CTNNA2: variants seen among roughly 807,000 people sequenced by gnomAD.
The protein encoded by CTNNA2 is catenin alpha-2.
A neutral mutation model predicts 101.0 loss-of-function variants in CTNNA2; 42 were observed. The ratio of observed to expected loss-of-function variants is 0.42; its 90% CI spans 0.32 to 0.54. The LOEUF (loss-of-function observed/expected upper bound fraction) is 0.54. Among genes scored for constraint, CTNNA2 ranks in the 20% least tolerant of loss-of-function variants. The probability of loss-of-function intolerance (pLI) is 0.14; values close to 1 mark genes in which losing one functional copy is unlikely to be tolerated. For missense variants in CTNNA2, 871 were observed against 1,223.1 expected, an observed-to-expected ratio of 0.71 and a Z score of 4.29; for synonymous variants, 450 against 456.4, an observed-to-expected ratio of 0.99 and a Z score of 0.18.
At chr2:79,186,806 C>T (rs1673783993) in intron 1 of CTNNA2, among the ~76,000 whole-genome samples, 3 of 152,194 alleles carry the variant, frequency 2.0e-5, no homozygotes, top group Non-Finnish European at 4.4e-5. Context: ...GACAAAACTT[C>T]ACCACTGTGT....
chr2:79,483,439 G>A (rs1056569228), intron 4 of CTNNA2, among the ~76,000 whole-genome samples: 1 of 152,244 alleles, frequency 6.6e-6, no homozygotes, highest in South Asian at 2.1e-4. Context: ...TGCAATCAAG[G>A]TATCAGCCAG....
At chr2:79,815,141 G>GT (rs990847227) in intron 3 of CTNNA2, among the ~76,000 whole-genome samples, 31 of 152,002 alleles carry the variant, frequency 2.0e-4, no homozygotes, top group African/African-American at 7.5e-4. Context: ...TTACTGAGTT[G>GT]TTTGAGTCTG....
At chr2:80,354,925 G>A (rs1673637260) in intron 7 of CTNNA2, among the ~76,000 whole-genome samples, 1 of 152,138 alleles carries the variant, frequency 6.6e-6, no homozygotes, top group Non-Finnish European at 1.5e-5. Context: ...ACAGAGAAGT[G>A]TGGGTGTTTC....
chr2:80,200,209 T>C (rs1017394937), intron 7 of CTNNA2, among the ~76,000 whole-genome samples: 1 of 152,232 alleles, frequency 6.6e-6, no homozygotes, highest in Admixed American at 6.5e-5. Flanking sequence ...TGCCAGACAA[T>C]GTATCATATG....
At chr2:79,189,589 G>T (rs1177763909) in intron 1 of CTNNA2, among the ~76,000 whole-genome samples, 2 of 152,174 alleles carry the variant, frequency 1.3e-5, no homozygotes, top group East Asian at 3.9e-4. Flanking sequence ...TGAAGCAAAA[G>T]GCAGGAGAGT....
intron 9 of CTNNA2, among the ~76,000 whole-genome samples, chr2:80,454,667 G>A (rs1181436723): frequency 1.3e-5 from 2 of 152,310 alleles, no homozygotes; most frequent in South Asian, 2.1e-4. Flanking sequence ...AAGTACCCTG[G>A]GCACTGGGTC....
At chr2:79,702,712 T>G (rs1234274158) in intron 2 of CTNNA2, among the ~76,000 whole-genome samples, 1 of 152,216 alleles carries the variant, frequency 6.6e-6, no homozygotes, top group Non-Finnish European at 1.5e-5. Flanking sequence ...CTGAGACTGT[T>G]TCTGGAGTTT....
chr2:80,212,546 C>T (rs1007926364), intron 7 of CTNNA2, among the ~76,000 whole-genome samples: 10 of 151,958 alleles, frequency 6.6e-5, no homozygotes, highest in African/African-American at 2.4e-4. Flanking sequence ...GTTGAACCAG[C>T]CTTGCATCCC....
At chr2:79,925,199 C>T (rs545628466) in intron 7 of CTNNA2, among the ~76,000 whole-genome samples, 21 of 152,110 alleles carry the variant, frequency 1.4e-4, no homozygotes, top group Admixed American at 5.2e-4. Context: ...ATCTTTTGTA[C>T]GATTGCTGTT....
At chr2:79,877,474 G>T (rs2916496) in intron 6 of CTNNA2, among the ~76,000 whole-genome samples, 101,589 of 151,900 alleles carry the variant, frequency 0.67, 34,301 homozygotes, top group Middle Eastern at 0.82. Flanking sequence ...ATAATATACC[G>T]TTTCTCTTTA....
At chr2:79,580,205 G>T (rs1361372295) in intron 1 of CTNNA2, among the ~76,000 whole-genome samples, 1 of 152,108 alleles carries the variant, frequency 6.6e-6, no homozygotes, top group South Asian at 2.1e-4. Flanking sequence ...GTATTATCTG[G>T]GTGGGCCCAA....
chr2:80,118,116 T>G (rs1207082427), intron 7 of CTNNA2, among the ~76,000 whole-genome samples: 1 of 152,128 alleles, frequency 6.6e-6, no homozygotes, highest in Non-Finnish European at 1.5e-5. Context: ...TTTGTTTTTT[T>G]ATCTGTGTTC....
chr2:79,986,352 C>T (rs912765720), intron 7 of CTNNA2, among the ~76,000 whole-genome samples: 1 of 152,122 alleles, frequency 6.6e-6, no homozygotes, highest in East Asian at 1.9e-4. Flanking sequence ...ACTTGCCCAT[C>T]CCTACTGCAA....
intron 3 of CTNNA2, among the ~76,000 whole-genome samples, chr2:79,334,008 T>G (rs989508641): frequency 2.6e-5 from 4 of 152,220 alleles, no homozygotes; most frequent in Non-Finnish European, 5.9e-5. Flanking sequence ...TTTTGATACA[T>G]TTATACAATG....
At chr2:79,846,068 G>A (rs1680212947) in intron 3 of CTNNA2, among the ~76,000 whole-genome samples, 1 of 152,114 alleles carries the variant, frequency 6.6e-6, no homozygotes, top group Non-Finnish European at 1.5e-5. Context: ...TCACCCACAA[G>A]CCAGTGAGGA....
intron 7 of CTNNA2, among the ~76,000 whole-genome samples, chr2:80,251,873 C>T (rs777359278): frequency 1.4e-4 from 22 of 152,204 alleles, no homozygotes; most frequent in Non-Finnish European, 2.9e-4. Flanking sequence ...AAATTGCCTT[C>T]ACATTTTGAA....
At position 80,428,050 on chromosome 2, in the gene CTNNA2, A is replaced by G. The variant is rs141786631; in HGVS notation, c.1290+8449A>G. Among the ~76,000 whole-genome samples, 416 of 152,356 alleles carry G rather than the reference A, an allele frequency of 2.7e-3. 2 individuals are homozygous for G. The highest frequency in any genetic ancestry group is 9.4e-3 in the African/African-American group (393 of 41,592). On this transcript the variant is annotated intron_variant, in intron 9 of 18. Coordinates refer to ENST00000402739, the MANE Select transcript of CTNNA2 (RefSeq NM_001282597.3). ...TGAGGTCGGGAAAGTCTTCCCTTCT[A>G]AGATGACTATTAAATGGAGATGTGA...
At chr2:79,338,644 A>T (rs867787126) in intron 3 of CTNNA2, among the ~76,000 whole-genome samples, 71 of 39,294 alleles carry the variant, frequency 1.8e-3, no homozygotes, top group African/African-American at 2.4e-3. Context: ...CTTCTTCTTC[A>T]AAGATTCCTC....
At chr2:80,313,441 G>T in intron 7 of CTNNA2, 1 of 1,490,632 alleles carries the variant, frequency 6.7e-7, no homozygotes, top group Non-Finnish European at 8.9e-7. Context: ...GAGTGGAGAT[G>T]ATGAGTAACA....
Sources: allele counts gnomAD v4.1 joint callset (sites outside exome capture counted in the v4.1 genomes callset), GRCh38; gene constraint gnomAD v4.1.1; transcripts MANE v1.5; gene names NCBI Gene and HGNC (gene_info 2026-07-23, HGNC 2026-07-21).